The following MYT1L variants were observed in gnomAD, a reference collection of about 807,000 sequenced individuals.
MYT1L encodes the protein myelin transcription factor 1 like, also known as myelin transcription factor 1-like protein.
A neutral mutation model predicts 126.7 loss-of-function variants in MYT1L; 12 were observed. The ratio of observed to expected loss-of-function variants is 0.09; its 90% CI spans 0.06 to 0.15. The LOEUF is 0.15. Ranked by LOEUF, MYT1L falls within the 10% of genes least tolerant of loss-of-function variation. The pLI, the probability that MYT1L is intolerant of heterozygous loss-of-function variation, is 1.00. For synonymous variants in MYT1L, 541 were observed against 604.2 expected, an observed-to-expected ratio of 0.90 and a Z score of 1.53; for missense variants, 979 against 1,585.2, an observed-to-expected ratio of 0.62 and a Z score of 6.49.
intron 4 of MYT1L, among the ~76,000 whole-genome samples, chr2:2,041,721 G>A (rs551057134): frequency 1.3e-5 from 2 of 152,226 alleles, no homozygotes; most frequent in African/African-American, 2.4e-5. Context: ...CGGAAAGAAG[G>A]GAAGGGCCTG....
intron 4 of MYT1L, among the ~76,000 whole-genome samples, chr2:2,023,887 T>C (rs1016731056): frequency 4.6e-5 from 7 of 152,128 alleles, no homozygotes; most frequent in African/African-American, 1.4e-4. Context: ...AGTGATAAGA[T>C]TGAGCGGTGT....
intron 18 of MYT1L, chr2:1,885,040 G>A (rs2048004079): frequency 6.6e-6 from 1 of 152,256 alleles, no homozygotes. Context: ...TGACCAGTTA[G>A]AGGCAACACT....
intron 1 of MYT1L, among the ~76,000 whole-genome samples, chr2:2,286,209 C>A (rs2095518221): frequency 6.6e-6 from 1 of 152,126 alleles, no homozygotes; most frequent in Non-Finnish European, 1.5e-5. Flanking sequence ...TCTTGAACTC[C>A]TGACCTCGTG....
chr2:2,018,505 G>T (rs1452724243), intron 4 of MYT1L, among the ~76,000 whole-genome samples: 1 of 152,230 alleles, frequency 6.6e-6, no homozygotes, highest in African/African-American at 2.4e-5. Flanking sequence ...ATGTGCTCCA[G>T]TGCTCCTTTT....
At position 1,811,618 on chromosome 2, in the gene MYT1L, G is replaced by A. The variant is rs2036677734; in HGVS notation, c.3081-2451C>T. 1 of 152,256 alleles carries A rather than the reference G, an allele frequency of 6.6e-6. No individual in the cohort carries two copies. 9.4% of individuals were successfully genotyped at this position (152,256 alleles called of 1,614,324 possible). A position where few individuals can be genotyped will look rare whatever the true frequency, so the allele number is the denominator to read the frequency against. ...TCGTGGTTCCCTTTGCTGTTTTTTT[G>A]TTCATTTATTTGTTACTAGACATTG... is the stretch of plus-strand genomic sequence containing the variant. On this transcript the variant is annotated intron_variant, in intron 21 of 24. Coordinates refer to ENST00000647738, the MANE Select transcript of MYT1L (RefSeq NM_001303052.2). This position sits in a 1 kb window ranked among gnomAD's most constrained non-coding sequence, Gnocchi z 4.4.
At chr2:2,171,599 TTTTG>T (rs2090060057) in intron 3 of MYT1L, among the ~76,000 whole-genome samples, 1 of 152,006 alleles carries the variant, frequency 6.6e-6, no homozygotes, top group South Asian at 2.1e-4. Flanking sequence ...GAATAGCTTC[TTTTG>T]TTTTTTTCTT....
intron 8 of MYT1L, among the ~76,000 whole-genome samples, chr2:1,955,570 A>G (rs1159887351): frequency 6.6e-6 from 1 of 152,194 alleles, no homozygotes; most frequent in Non-Finnish European, 1.5e-5. Context: ...TGCTCCACAT[A>G]GATTTCCAAA....
At chr2:2,169,879 T>C (rs1362517803) in intron 3 of MYT1L, among the ~76,000 whole-genome samples, 1 of 152,208 alleles carries the variant, frequency 6.6e-6, no homozygotes, top group Non-Finnish European at 1.5e-5. Context: ...CCCCTTCCAG[T>C]TGGATTTAGT....
chr2:1,864,029 C>T (rs1010762231), intron 18 of MYT1L, among the ~76,000 whole-genome samples: 20 of 152,132 alleles, frequency 1.3e-4, no homozygotes, highest in African/African-American at 4.3e-4. Context: ...GCTGGATGGG[C>T]GCCTGCCACT....
At chr2:2,298,397 G>A (rs1160232283) in intron 1 of MYT1L, among the ~76,000 whole-genome samples, 1 of 152,172 alleles carries the variant, frequency 6.6e-6, no homozygotes, top group Admixed American at 6.5e-5. Flanking sequence ...TTCTGGTGTG[G>A]ATCTGTCAGG....
chr2:2,060,401 T>A (rs1453008470), intron 3 of MYT1L, among the ~76,000 whole-genome samples: 1 of 152,214 alleles, frequency 6.6e-6, no homozygotes, highest in Admixed American at 6.5e-5. Context: ...GTACTTGCTG[T>A]TTAATTTATT....
At chr2:1,933,693 T>C (rs1228629797) in intron 9 of MYT1L, among the ~76,000 whole-genome samples, 1 of 152,076 alleles carries the variant, frequency 6.6e-6, no homozygotes, top group Non-Finnish European at 1.5e-5. Flanking sequence ...TGCACTGAGC[T>C]CAGTGGCAAC....
intron 21 of MYT1L, among the ~76,000 whole-genome samples, chr2:1,832,502 G>A (rs1037252200): frequency 6.6e-5 from 10 of 152,198 alleles, no homozygotes; most frequent in East Asian, 1.9e-4. Flanking sequence ...CTCTCCTGCC[G>A]GGATTCACCC....
At chr2:1,861,913 TGG>T (rs1558191454) in intron 18 of MYT1L, among the ~76,000 whole-genome samples, 10 of 151,928 alleles carry the variant, frequency 6.6e-5, no homozygotes, top group South Asian at 2.1e-4. Flanking sequence ...TGTGTAATCC[TGG>T]ATCCTCCTGC....
At chr2:2,047,451 A>C (rs1294552602) in intron 4 of MYT1L, among the ~76,000 whole-genome samples, 1 of 152,222 alleles carries the variant, frequency 6.6e-6, no homozygotes, top group Non-Finnish European at 1.5e-5. Flanking sequence ...CCCAGTGGCC[A>C]TTCTAGAACC....
At position 2,054,080 on chromosome 2, in the gene MYT1L, T is replaced by C. The variant is rs563870836; in HGVS notation, c.-260A>G. 9.2e-4 allele frequency: 141 copies of C among 152,792 alleles called. No homozygotes were observed. Among genetic ancestry groups the C allele is most frequent in the African/African-American group, 3.1e-3 (129 of 41,580 alleles). The allele number at this position is 152,792 out of a possible 1,614,324, so 9.5% of individuals were successfully genotyped here. Reference sequence around the variant, plus strand: ...TGAAAGATGCAAACACTTGATTGAATTCAATAACTACATTTTTTTCTTCTT... The same window carrying C: ...TGAAAGATGCAAACACTTGATTGAACTCAATAACTACATTTTTTTCTTCTT... On this transcript the variant is annotated 5_prime_UTR_variant, in exon 4 of 25. Transcript: ENST00000647738.
chr2:2,092,121 C>A (rs959544794), intron 3 of MYT1L, among the ~76,000 whole-genome samples: 1 of 152,182 alleles, frequency 6.6e-6, no homozygotes, highest in Non-Finnish European at 1.5e-5. Flanking sequence ...CACAAGAAAT[C>A]TAGCTTTTGA....
rs193271157 is a variant in MYT1L at position 2,189,420 on chromosome 2, A to G, written c.-420-16432T>C. ...CCAAAACAACTTATGCAATATGTTA[A>G]GTGCAGAGGCAGATGAGAATTCAGC... On this transcript the variant is annotated intron_variant, in intron 2 of 24. Transcript: ENST00000647738. Among the ~76,000 whole-genome samples the G allele has an allele frequency of 3.3e-5, 5 of 152,368 alleles. No individual in the cohort carries two copies. In the East Asian group the frequency reaches 9.6e-4, roughly 29 times the overall value.
chr2:1,904,531 G>A, intron 13 of MYT1L, among the ~76,000 whole-genome samples: 1 of 151,502 alleles, frequency 6.6e-6, no homozygotes, highest in East Asian at 2.0e-4. Context: ...ACCACACCTG[G>A]CTAATTTTTT....
Sources: gnomAD v4.1 joint callset for allele counts (sites outside exome capture counted in the v4.1 genomes callset) on GRCh38, gnomAD v4.1.1 for gene constraint, Gnocchi (gnomAD v3.1) non-coding constraint, MANE v1.5 for transcripts, NCBI Gene and HGNC (gene_info 2026-07-23, HGNC 2026-07-21) for gene names.